DYNC2H1: variants seen among roughly 807,000 people sequenced by gnomAD.
The protein encoded by DYNC2H1 is dynein cytoplasmic 2 heavy chain 1.
A neutral mutation model predicts 570.0 loss-of-function variants in DYNC2H1; 410 were observed. That is an observed-to-expected ratio of 0.72 (90% CI 0.66 to 0.78). DYNC2H1 has a LOEUF of 0.78. Ranked by LOEUF, DYNC2H1 falls within the 30% of genes least tolerant of loss-of-function variation. The probability of loss-of-function intolerance (pLI) is 0.00; values close to 1 mark genes in which losing one functional copy is unlikely to be tolerated. For synonymous variants in DYNC2H1, 1,688 were observed against 1,677.6 expected (o/e 1.01, Z -0.15); for missense variants, 4,865 against 5,046.4 (o/e 0.96, Z 1.09).
chr11:103,109,743 G>A lies in DYNC2H1; in HGVS notation c.169G>A (p.Asp57Asn). 1 of 1,613,582 alleles carries A rather than the reference G, an allele frequency of 6.2e-7. No individual in the cohort carries two copies. Among genetic ancestry groups the A allele is most frequent in the Non-Finnish European group, 8.5e-7 (1 of 1,179,748 alleles). The change falls in exon 1 of 89, where the codon GAC becomes AAC. Residue 57 changes from aspartate to asparagine, a missense_variant. Physicochemically the swap from Asp to Asn is conservative, Grantham distance 23. Coordinates refer to ENST00000375735, the MANE Select transcript of DYNC2H1 (RefSeq NM_001377.3). ...NQMLLRVQRS[D>N]AGISFSNTIE... is the part of the protein sequence containing the mutation. ...GATGCTCCTCAGGGTGCAGCGATCCGACGCAGGAATCTCCTTTTCCAACAC... is the reference window on the plus strand; with the variant it reads ...GATGCTCCTCAGGGTGCAGCGATCCAACGCAGGAATCTCCTTTTCCAACAC...
At chr11:103,317,368 C>CT (rs202210591) in intron 80 of DYNC2H1, among the ~76,000 whole-genome samples, 45,487 of 147,954 alleles carry the variant, frequency 0.31, 7,998 homozygotes, top group Non-Finnish European at 0.39. Flanking sequence ...ACCTTGGATT[C>CT]TTTTTTTTTT....
chr11:103,404,693 C>A (rs574159515), intron 84 of DYNC2H1: 1 of 151,560 alleles, frequency 6.6e-6, no homozygotes, highest in South Asian at 2.1e-4. Context: ...ATGGCAAATA[C>A]CATTCCTATT....
intron 82 of DYNC2H1, among the ~76,000 whole-genome samples, chr11:103,356,875 A>G (rs1173548826): frequency 3.3e-5 from 5 of 152,184 alleles, no homozygotes; most frequent in Non-Finnish European, 4.4e-5. Flanking sequence ...CTAACAAAAT[A>G]TGAAATATAG....
intron 83 of DYNC2H1, among the ~76,000 whole-genome samples, chr11:103,387,935 G>A (rs542910067): frequency 6.6e-6 from 1 of 152,292 alleles, no homozygotes; most frequent in African/African-American, 2.4e-5. Flanking sequence ...GTCAGGTAGT[G>A]TGATGCCTCC....
intron 82 of DYNC2H1, among the ~76,000 whole-genome samples, chr11:103,340,239 C>T (rs1939377349): frequency 6.6e-6 from 1 of 152,100 alleles, no homozygotes; most frequent in Non-Finnish European, 1.5e-5. Flanking sequence ...TCTATTTGGT[C>T]ATCTTGCTTT....
At chr11:103,111,230 C>T (rs1312979788) in intron 1 of DYNC2H1, among the ~76,000 whole-genome samples, 3 of 152,178 alleles carry the variant, frequency 2.0e-5, no homozygotes, top group Admixed American at 6.5e-5. Flanking sequence ...GAACTCAGTA[C>T]ATGCAAGGCA....
intron 87 of DYNC2H1, among the ~76,000 whole-genome samples, chr11:103,466,894 A>G (rs1350784539): frequency 1.3e-5 from 2 of 152,190 alleles, no homozygotes; most frequent in Non-Finnish European, 2.9e-5. Context: ...CAACCTACCT[A>G]GAGAAATTCA....
Position 103,156,496 on chromosome 11 carries a change from CA to C in DYNC2H1, c.3856del (p.Ser1286ValfsTer4). 6.2e-7 allele frequency: 1 copy of C among 1,613,586 alleles called. No individual in the cohort carries two copies. Among genetic ancestry groups the C allele is most frequent in the Non-Finnish European group, 8.5e-7 (1 of 1,179,692 alleles). ...VFTLIDYEDS[Q>X]SRTMKLIKDW... The stretch of plus-strand genomic sequence containing the variant: ...TACATTAATTGATTATGAAGACAGC[CA>C]AAGTCGAACTATGAAGCTGATTAAA... On this transcript the variant is annotated frameshift_variant, in exon 26 of 89. Transcript: ENST00000375735. LOFTEE classifies it high-confidence loss of function.
At chr11:103,352,292 A>G (rs571932271) in intron 82 of DYNC2H1, among the ~76,000 whole-genome samples, 2 of 151,982 alleles carry the variant, frequency 1.3e-5, no homozygotes, top group East Asian at 1.9e-4. Context: ...GCTTTCATCT[A>G]TATTCTTAAC....
chr11:103,208,529 T>C (rs1284310284), intron 52 of DYNC2H1, among the ~76,000 whole-genome samples: 1 of 152,128 alleles, frequency 6.6e-6, no homozygotes, highest in Admixed American at 6.6e-5. Context: ...AGAGAGTTCA[T>C]GTGGCTGCTG....
intron 82 of DYNC2H1, among the ~76,000 whole-genome samples, chr11:103,333,415 C>A (rs533103157): frequency 1.2e-4 from 19 of 152,254 alleles, no homozygotes; most frequent in Non-Finnish European, 2.2e-4. Context: ...AGGTACCCAC[C>A]ACTTCGCCAG....
intron 20 of DYNC2H1, among the ~76,000 whole-genome samples, chr11:103,149,359 T>C (rs1429958932): frequency 1.3e-5 from 2 of 152,184 alleles, no homozygotes; most frequent in Non-Finnish European, 2.9e-5. Flanking sequence ...TCCAGAAGGC[T>C]AGAGCCCAGA....
intron 85 of DYNC2H1, among the ~76,000 whole-genome samples, chr11:103,451,301 A>G (rs1303550591): frequency 6.6e-6 from 1 of 150,440 alleles, no homozygotes; most frequent in East Asian, 1.9e-4. Flanking sequence ...GCATTCCAAG[A>G]AATGAATCAC....
chr11:103,301,082 A>C (rs992569700), intron 75 of DYNC2H1, among the ~76,000 whole-genome samples: 1 of 151,918 alleles, frequency 6.6e-6, no homozygotes, highest in Non-Finnish European at 1.5e-5. Flanking sequence ...CTTTCTTTTT[A>C]TGCACATAGA....
At position 103,177,937 on chromosome 11, in the gene DYNC2H1, T is replaced by A; in HGVS notation, c.6139+117T>A. On this transcript the variant is annotated intron_variant, in intron 38 of 88. Transcript: ENST00000375735. This position sits in a 1 kb window ranked among gnomAD's most constrained non-coding sequence, Gnocchi z 4.4. ...CATGACCATAAAGTCATAATTAAGT[T>A]AAAATGATGTACATTTGATATTTTA... The A allele has an allele frequency of 8.6e-7, 1 of 1,157,252 alleles. No homozygotes were observed. The highest frequency in any genetic ancestry group is 1.2e-6 in the Non-Finnish European group (1 of 857,268). The allele number at this position is 1,157,252 out of a possible 1,614,324, so 71.7% of individuals were successfully genotyped here. A position where few individuals can be genotyped will look rare whatever the true frequency, so the allele number is the denominator to read the frequency against.
At position 103,145,794 on chromosome 11, in the gene DYNC2H1, A is replaced by G. The variant is rs963429646; in HGVS notation, c.2703-1978A>G. 6.6e-6 allele frequency among the ~76,000 whole-genome samples: 1 copy of G among 152,236 alleles called. No homozygotes were observed. Among genetic ancestry groups the G allele is most frequent in the African/African-American group, 2.4e-5 (1 of 41,462 alleles). ...ATTTTTGAATATGCATCTTTGATAT[A>G]TAATGAGTCATCTTCCATTTCTATC... On this transcript the variant is annotated intron_variant, in intron 18 of 88. Coordinates refer to ENST00000375735, the MANE Select transcript of DYNC2H1 (RefSeq NM_001377.3). This position sits in a 1 kb window ranked among gnomAD's most constrained non-coding sequence, Gnocchi z 4.2.
intron 75 of DYNC2H1, among the ~76,000 whole-genome samples, chr11:103,298,713 C>T (rs1303913636): frequency 6.6e-6 from 1 of 152,078 alleles, no homozygotes; most frequent in African/African-American, 2.4e-5. Flanking sequence ...GAACAACAGG[C>T]ACTTCCCTCT....
At chr11:103,112,609 C>T (rs1025169266) in intron 1 of DYNC2H1, among the ~76,000 whole-genome samples, 2 of 152,152 alleles carry the variant, frequency 1.3e-5, no homozygotes, top group Admixed American at 6.5e-5. Context: ...TTTCATGTGT[C>T]ATGAAATGTT....
Position 103,479,327 on chromosome 11 carries a change from C to A in DYNC2H1, c.*74C>A. The A allele has an allele frequency of 2.7e-6, 4 of 1,505,080 alleles. No individual in the cohort carries two copies. The South Asian group carries it at 5.4e-5, about 20-fold the overall frequency. 93.2% of individuals were successfully genotyped at this position (1,505,080 alleles called of 1,614,324 possible). Reference sequence around the variant, plus strand: ...TTAAGCTTTAAATCAAACATGTGGTCAGTCTACATTTGAAATGTTAGTTCA... The same window carrying A: ...TTAAGCTTTAAATCAAACATGTGGTAAGTCTACATTTGAAATGTTAGTTCA... On this transcript the variant is annotated 3_prime_UTR_variant, in exon 89 of 89. Transcript: ENST00000375735.
Sources: gnomAD v4.1 joint callset for allele counts (sites outside exome capture counted in the v4.1 genomes callset) on GRCh38, gnomAD v4.1.1 for gene constraint, Gnocchi (gnomAD v3.1) non-coding constraint, MANE v1.5 for transcripts, NCBI Gene and HGNC (gene_info 2026-07-23, HGNC 2026-07-21) for gene names.